ASTN2: variants seen among roughly 807,000 people sequenced by gnomAD.
ASTN2 encodes astrotactin 2.
ASTN2 carries 54 observed loss-of-function variants against 139.8 expected under a neutral mutation model. That is an observed-to-expected ratio of 0.39 (90% CI 0.31 to 0.48). The LOEUF (loss-of-function observed/expected upper bound fraction) is 0.48. ASTN2 is among the 20% of genes least tolerant of loss of function. The pLI is 0.95. For synonymous variants in ASTN2, 756 were observed against 719.5 expected, an observed-to-expected ratio of 1.05 and a Z score of -0.81; for missense variants, 1,565 against 1,725.1, an observed-to-expected ratio of 0.91 and a Z score of 1.64.
intron 15 of ASTN2, among the ~76,000 whole-genome samples, chr9:116,727,016 ACAC>A (rs1828644691): frequency 2.1e-4 from 2 of 9,524 alleles, no homozygotes; most frequent in African/African-American, 2.8e-4. Context: ...TACACTCAAC[ACAC>A]ACACACACAC....
At chr9:116,615,599 A>G (rs942285471) in intron 19 of ASTN2, among the ~76,000 whole-genome samples, 18 of 152,090 alleles carry the variant, frequency 1.2e-4, no homozygotes, top group African/African-American at 4.1e-4. Context: ...GCTGGAAACC[A>G]TCATTCTCAG....
chr9:117,399,280 G>A (rs554635089), intron 1 of ASTN2, among the ~76,000 whole-genome samples: 3 of 152,100 alleles, frequency 2.0e-5, no homozygotes, highest in East Asian at 3.8e-4. Context: ...AACTGTTTTG[G>A]GGGGAGCCAG....
intron 10 of ASTN2, among the ~76,000 whole-genome samples, chr9:116,960,261 G>A (rs112055428): frequency 0.024 from 3,609 of 152,230 alleles, 156 homozygotes; most frequent in African/African-American, 0.083. Context: ...AAAACCTGAG[G>A]TTGATGCTCA....
chr9:117,250,635 G>C (rs1833511528), intron 2 of ASTN2, among the ~76,000 whole-genome samples: 1 of 152,126 alleles, frequency 6.6e-6, no homozygotes, highest in African/African-American at 2.4e-5. Flanking sequence ...CATGGCTTTT[G>C]CCATGACTTT....
At chr9:116,524,524 A>AT (rs1851010432) in intron 19 of ASTN2, among the ~76,000 whole-genome samples, 1 of 152,138 alleles carries the variant, frequency 6.6e-6, no homozygotes, top group Non-Finnish European at 1.5e-5. Flanking sequence ...GCAAGATGAC[A>AT]TGAGTTCCAG....
chr9:116,738,604 C>T (rs535874825), intron 13 of ASTN2, among the ~76,000 whole-genome samples: 2 of 152,212 alleles, frequency 1.3e-5, no homozygotes, highest in South Asian at 2.1e-4. Flanking sequence ...ACCCCCAAAA[C>T]GATGGAAATT....
At chr9:116,671,143 C>A (rs1408341285) in intron 16 of ASTN2, among the ~76,000 whole-genome samples, 1 of 151,838 alleles carries the variant, frequency 6.6e-6, no homozygotes, top group Non-Finnish European at 1.5e-5. Flanking sequence ...TAAATAAAAT[C>A]CCAAAATTTA....
At chr9:116,611,035 T>G (rs1855512055) in intron 19 of ASTN2, 1 of 152,112 alleles carries the variant, frequency 6.6e-6, no homozygotes, top group African/African-American at 2.4e-5. Context: ...ATAGACCATC[T>G]AGACCAAAAA....
intron 16 of ASTN2, among the ~76,000 whole-genome samples, chr9:116,721,441 C>A (rs1828470975): frequency 6.6e-6 from 1 of 152,120 alleles, no homozygotes; most frequent in South Asian, 2.1e-4. Context: ...TGAAATGGAG[C>A]CCCAGTGGGA....
At position 116,943,625 on chromosome 9, in the gene ASTN2, TG is replaced by T. The variant is rs141490361; in HGVS notation, c.1889+31582del. 5.3e-3 allele frequency among the ~76,000 whole-genome samples: 807 copies of T among 152,314 alleles called. 8 individuals are homozygous for T. Among genetic ancestry groups the T allele is most frequent in the African/African-American group, 0.018 (765 of 41,564 alleles). On this transcript the variant is annotated intron_variant, in intron 10 of 22. Transcript: ENST00000313400. ...GGATGCATGTAGGATTGTGCAGTAC[TG>T]CAGATCAAAATCATCACGGCTTCCC...
intron 20 of ASTN2, among the ~76,000 whole-genome samples, chr9:116,449,614 C>T (rs1279496195): frequency 1.3e-5 from 2 of 152,148 alleles, no homozygotes; most frequent in Admixed American, 6.5e-5. Context: ...TTTGACATTT[C>T]ACCTTGAATA....
intron 5 of ASTN2, among the ~76,000 whole-genome samples, chr9:117,056,705 G>A (rs928429645): frequency 1.3e-5 from 2 of 152,184 alleles, no homozygotes; most frequent in African/African-American, 4.8e-5. Context: ...AAGCCCCTAT[G>A]TTCACACATC....
In ASTN2 at chr9:117,080,539, A is replaced by G. The variant is rs543908351; in HGVS notation, c.1276+15505T>C. Among the ~76,000 whole-genome samples, 5 of 152,370 alleles carry G rather than the reference A, an allele frequency of 3.3e-5. No individual in the cohort carries two copies. In the South Asian group the frequency reaches 1.0e-3, roughly 32 times the overall value. On this transcript the variant is annotated intron_variant, in intron 5 of 22. Coordinates refer to ENST00000313400, the MANE Select transcript of ASTN2 (RefSeq NM_001365068.1). ...GTGTGAAGATTATGGTTGCAAGGAT[A>G]AGAAAGAGTGTGCAGGAAATGGGGA...
intron 19 of ASTN2, among the ~76,000 whole-genome samples, chr9:116,524,246 TATC>T (rs2119252291): frequency 6.6e-6 from 1 of 152,106 alleles, no homozygotes; most frequent in Non-Finnish European, 1.5e-5. Context: ...GTGGGAAAAA[TATC>T]TTCTTACAAA....
chr9:116,502,296 CAGACACAA>C (rs1011994269), intron 19 of ASTN2, among the ~76,000 whole-genome samples: 28 of 151,360 alleles, frequency 1.8e-4, no homozygotes, highest in Non-Finnish European at 3.1e-4. Flanking sequence ...ACACAACACA[CAGACACAA>C]AGACACACAC....
At chr9:116,426,453 TGG>T (rs1847312876) in intron 22 of ASTN2, among the ~76,000 whole-genome samples, 1 of 152,176 alleles carries the variant, frequency 6.6e-6, no homozygotes, top group Admixed American at 6.5e-5. Context: ...TGCTAGACAC[TGG>T]GTATGCATTT....
chr9:116,565,096 A>G (rs1406250946), intron 19 of ASTN2, among the ~76,000 whole-genome samples: 2 of 151,752 alleles, frequency 1.3e-5, no homozygotes, highest in Non-Finnish European at 2.9e-5. Flanking sequence ...AGTCTATTTC[A>G]TATATTTTCC....
chr9:117,301,482 C>T (rs965776875), intron 1 of ASTN2, among the ~76,000 whole-genome samples: 8 of 152,116 alleles, frequency 5.3e-5, no homozygotes, highest in Non-Finnish European at 7.4e-5. Context: ...AGTAGAACAC[C>T]GAGTTTTCAG....
chr9:117,336,057 G>GAAAAAA (rs35679249), intron 1 of ASTN2, among the ~76,000 whole-genome samples: 1 of 104,922 alleles, frequency 9.5e-6, no homozygotes. Context: ...GTCTGGAAAG[G>GAAAAAA]AAAAAAAAAA....
Sources: gnomAD v4.1 joint callset for allele counts (sites outside exome capture counted in the v4.1 genomes callset) on GRCh38, gnomAD v4.1.1 for gene constraint, MANE v1.5 for transcripts, NCBI Gene and HGNC (gene_info 2026-07-23, HGNC 2026-07-21) for gene names.